The following C9 variants were observed in gnomAD, a reference collection of about 807,000 sequenced individuals.
C9 encodes the protein complement C9.
A neutral mutation model predicts 65.4 loss-of-function variants in C9; 63 were observed. The ratio of observed to expected loss-of-function variants is 0.96; its 90% confidence interval spans 0.79 to 1.19. C9 has a LOEUF of 1.19. Ranked by LOEUF, C9 falls within the 50% of genes most tolerant of loss-of-function variation. The probability of loss-of-function intolerance (pLI) is 0.00; values close to 1 mark genes in which losing one functional copy is unlikely to be tolerated. For synonymous variants in C9, 229 were observed against 227.9 expected (o/e 1.00, Z -0.04); for missense variants, 744 against 670.1 (o/e 1.11, Z -1.22).
intron 4 of C9, among the ~76,000 whole-genome samples, chr5:39,333,617 G>GGTCTCCCCTCTCCCTCTCTTTCCACA (rs1292505627): frequency 2.3e-5 from 2 of 86,502 alleles, no homozygotes; most frequent in South Asian, 4.4e-4. Flanking sequence ...CCCTTTCCAT[G>GGTCTCCCCTCTCCCTCTCTTTCCACA]GTCTCCCCTC....
rs1753418418 is a variant in C9, at chr5:39,308,358, C to G, written c.1112G>C (p.Gly371Ala). Residue 371 changes from glycine to alanine, a missense_variant and splice_region_variant, in exon 8 of 11, where the codon GGT (glycine) becomes GCT (alanine). Transcript: ENST00000263408. ...VLDKASMKRK[G>A]VELKDIKRCL... ...TCTCTTTATGTCTTTTAGTTCAACACCTGTTTAATGAATTTATTTGAAAAT... is the reference window on the plus strand; with the variant it reads ...TCTCTTTATGTCTTTTAGTTCAACAGCTGTTTAATGAATTTATTTGAAAAT... 1.3e-6 allele frequency: 2 copies of G among 1,581,458 alleles called. No individual in the cohort carries two copies. Among genetic ancestry groups the G allele is most frequent in the African/African-American group, 2.7e-5 (2 of 74,258 alleles).
At chr5:39,352,033 A>G (rs1406147620) in intron 1 of C9, among the ~76,000 whole-genome samples, 1 of 152,232 alleles carries the variant, frequency 6.6e-6, no homozygotes, top group Admixed American at 6.5e-5. Context: ...CAGATTGTAT[A>G]GGAGGCATGG....
At chr5:39,313,181 C>G (rs1291082455) in intron 6 of C9, among the ~76,000 whole-genome samples, 1 of 152,116 alleles carries the variant, frequency 6.6e-6, no homozygotes, top group Non-Finnish European at 1.5e-5. Flanking sequence ...CTTGCCTGAC[C>G]AGCCACTACC....
chr5:39,360,337 C>T (rs1363486799), intron 1 of C9, among the ~76,000 whole-genome samples: 1 of 152,054 alleles, frequency 6.6e-6, no homozygotes, highest in Non-Finnish European at 1.5e-5. Flanking sequence ...TCAGATTAGA[C>T]AGCAGCTACT....
At chr5:39,329,210 A>G (rs1354838381) in intron 5 of C9, among the ~76,000 whole-genome samples, 1 of 152,178 alleles carries the variant, frequency 6.6e-6, no homozygotes, top group Non-Finnish European at 1.5e-5. Flanking sequence ...CTTGGTCATT[A>G]CTGCTAATTT....
At chr5:39,334,309 G>A (rs2081112) in intron 4 of C9, among the ~76,000 whole-genome samples, 42,099 of 145,540 alleles carry the variant, frequency 0.29, 7,148 homozygotes, top group Non-Finnish European at 0.38. Flanking sequence ...CCGCAACCCC[G>A]TCTGGGAGGA....
intron 8 of C9, among the ~76,000 whole-genome samples, chr5:39,307,223 G>A (rs1753398109): frequency 6.6e-6 from 1 of 152,286 alleles, no homozygotes; most frequent in East Asian, 1.9e-4. Context: ...AAAGTGAAAA[G>A]TAACATTTCT....
rs1186688073 is a variant in C9, at chr5:39,328,195, G to A, written c.615+3481C>T. On this transcript the variant is annotated intron_variant, in intron 5 of 10. Coordinates refer to ENST00000263408, the MANE Select transcript of C9 (RefSeq NM_001737.5). ...ATAGGATGTAAAGAGGGACTGAGTA[G>A]CAAAGTAAGTACACAGAATAACTTT... Among the ~76,000 whole-genome samples, 7 of 152,306 alleles carry A rather than the reference G, an allele frequency of 4.6e-5. No individual in the cohort carries two copies. The Middle Eastern group carries it at 0.017, about 370-fold the overall frequency.
At chr5:39,333,339 G>A (rs965403859) in intron 4 of C9, among the ~76,000 whole-genome samples, 12 of 152,098 alleles carry the variant, frequency 7.9e-5, no homozygotes, top group Non-Finnish European at 2.9e-5. Context: ...GAGTGACAGT[G>A]GGCCAGTTCA....
chr5:39,296,539 G>C (rs1008237656), intron 9 of C9, among the ~76,000 whole-genome samples: 1 of 151,454 alleles, frequency 6.6e-6, no homozygotes, highest in Non-Finnish European at 1.5e-5. Context: ...CTATATGAAG[G>C]TTCTTTTGAA....
intron 9 of C9, 57 bp downstream of exon 9, chr5:39,306,560 T>C: frequency 7.5e-7 from 1 of 1,326,266 alleles, no homozygotes; most frequent in Non-Finnish European, 1.1e-6. Context: ...TGAAACAATG[T>C]GACATTTAAT....
intron 1 of C9, among the ~76,000 whole-genome samples, chr5:39,343,852 C>A (rs1224392609): frequency 6.6e-6 from 1 of 150,498 alleles, no homozygotes; most frequent in Non-Finnish European, 1.5e-5. Context: ...CAAGCAGCAA[C>A]ATTTGCTGTT....
intron 1 of C9, among the ~76,000 whole-genome samples, chr5:39,350,364 T>C (rs1218055331): frequency 6.6e-6 from 1 of 152,188 alleles, no homozygotes. Context: ...CATTCCACCC[T>C]GGCTTGTCCA....
chr5:39,335,246 T>A (rs1036218727), intron 4 of C9, among the ~76,000 whole-genome samples: 2 of 152,218 alleles, frequency 1.3e-5, no homozygotes, highest in Non-Finnish European at 2.9e-5. Flanking sequence ...AGCTCTTAGG[T>A]GACTACTATA....
At chr5:39,354,556 A>G (rs957787237) in intron 1 of C9, among the ~76,000 whole-genome samples, 2 of 152,202 alleles carry the variant, frequency 1.3e-5, no homozygotes, top group African/African-American at 4.8e-5. Flanking sequence ...TCATTATATC[A>G]TTACCCAAGA....
intron 5 of C9, among the ~76,000 whole-genome samples, chr5:39,327,598 T>G (rs1165894062): frequency 6.6e-6 from 1 of 152,068 alleles, no homozygotes; most frequent in Non-Finnish European, 1.5e-5. Context: ...AGCAGGAAAT[T>G]GGGAGTAAGA....
chr5:39,358,627 AT>A (rs1754450870), intron 1 of C9, among the ~76,000 whole-genome samples: 1 of 152,128 alleles, frequency 6.6e-6, no homozygotes, highest in Non-Finnish European at 1.5e-5. Flanking sequence ...AATAATAGTG[AT>A]TTGGGCTGGA....
intron 9 of C9, 128 bp downstream of exon 9, chr5:39,306,476 TGCCTCCTTTTGGG>T (rs1753379154): frequency 2.8e-6 from 2 of 717,878 alleles, no homozygotes; most frequent in Admixed American, 2.1e-5. Flanking sequence ...CTCTATGCCA[TGCCTCCTTTTGGG>T]GAAGAAATGG....
rs887264368 is a variant in C9, at chr5:39,333,496, T to C, written c.477-1682A>G. On this transcript the variant is annotated intron_variant, in intron 4 of 10. Transcript: ENST00000263408. ...AGTGAAAAGCAGAACCACCCAGCTG[T>C]TGCAGCTTGAGGTGAAGCTCCCAGT... Among the ~76,000 whole-genome samples, 4 of 151,874 alleles carry C rather than the reference T, an allele frequency of 2.6e-5. No homozygotes were observed. In the East Asian group the frequency reaches 7.8e-4, roughly 30 times the overall value.
Sources: allele counts gnomAD v4.1 joint callset (sites outside exome capture counted in the v4.1 genomes callset), GRCh38; gene constraint gnomAD v4.1.1; transcripts MANE v1.5; gene names NCBI Gene and HGNC (gene_info 2026-07-23, HGNC 2026-07-21).